Variants in PRIM2 observed in about 807,000 individuals in gnomAD.
PRIM2 encodes the protein DNA primase large subunit.
A neutral mutation model predicts 67.3 loss-of-function variants in PRIM2; 39 were observed. That is an observed-to-expected ratio of 0.58 (90% CI 0.45 to 0.76). PRIM2 has a LOEUF of 0.76. PRIM2 is among the 30% of genes least tolerant of loss of function. The pLI, the probability that PRIM2 is intolerant of heterozygous loss-of-function variation, is 0.00. For missense variants in PRIM2, 398 were observed against 598.7 expected (o/e 0.66, Z 3.50); for synonymous variants, 143 against 198.7 (o/e 0.72, Z 2.36).
chr6:57,627,126 CA>C (rs1485488268), intron 12 of PRIM2, among the ~76,000 whole-genome samples: 4 of 149,736 alleles, frequency 2.7e-5, no homozygotes, highest in Non-Finnish European at 5.9e-5. Flanking sequence ...ATTAAAAATT[CA>C]AAAATTAGCT....
chr6:57,265,517 G>C, the PRIM2 span, among the ~76,000 whole-genome samples: 1 of 152,092 alleles, frequency 6.6e-6, no homozygotes, highest in Non-Finnish European at 1.5e-5. Flanking sequence ...TTTGGTTTAC[G>C]GTAGACGCTC....
chr6:57,260,013 T>C, the PRIM2 span, among the ~76,000 whole-genome samples: 9 of 152,244 alleles, frequency 5.9e-5, no homozygotes, highest in Non-Finnish European at 1.2e-4. Context: ...CCCATTTTTT[T>C]CTGTGTCAAT....
intron 8 of PRIM2, among the ~76,000 whole-genome samples, chr6:57,525,166 CTCCG>C (rs1349562147): frequency 6.6e-6 from 1 of 152,016 alleles, no homozygotes; most frequent in Non-Finnish European, 1.5e-5. Flanking sequence ...CTTTCTGCCC[CTCCG>C]TCTGTTATGT....
chr6:57,613,392 A>G (rs2127494828), intron 12 of PRIM2, among the ~76,000 whole-genome samples: 2 of 152,344 alleles, frequency 1.3e-5, no homozygotes, highest in East Asian at 3.9e-4. Flanking sequence ...TTTGATTAAA[A>G]GTTAGAAAGA....
At chr6:57,523,590 C>T (rs2127465071) in intron 8 of PRIM2, among the ~76,000 whole-genome samples, 1 of 152,126 alleles carries the variant, frequency 6.6e-6, no homozygotes, top group East Asian at 1.9e-4. Context: ...GACTTTTGCC[C>T]TCCCATTTTG....
At chr6:57,313,954 C>T (rs916276378), upstream of PRIM2, among the ~76,000 whole-genome samples, 2 of 152,188 alleles carry the variant, frequency 1.3e-5, no homozygotes, top group African/African-American at 2.4e-5. Context: ...GTGAATGCCA[C>T]GTGGGGCAGT....
chr6:57,641,501 G>A (rs1403894652), intron 13 of PRIM2, among the ~76,000 whole-genome samples: 2 of 152,116 alleles, frequency 1.3e-5, no homozygotes, highest in Non-Finnish European at 2.9e-5. Context: ...CTGACAAAGG[G>A]CTAATATCCA....
intron 5 of PRIM2, among the ~76,000 whole-genome samples, chr6:57,369,527 G>A (rs974899831): frequency 6.6e-6 from 1 of 152,204 alleles, no homozygotes; most frequent in Non-Finnish European, 1.5e-5. Context: ...ATTATGAGTA[G>A]TAGTGGCAAG....
chr6:57,537,994 G>A (rs1775034570), intron 10 of PRIM2, among the ~76,000 whole-genome samples: 1 of 150,642 alleles, frequency 6.6e-6, no homozygotes, highest in African/African-American at 2.4e-5. Context: ...ATTATGTTAT[G>A]CAGAATCTTT....
intron 10 of PRIM2, among the ~76,000 whole-genome samples, chr6:57,579,259 A>C (rs1457089367): frequency 6.6e-6 from 1 of 151,908 alleles, no homozygotes; most frequent in Non-Finnish European, 1.5e-5. Flanking sequence ...TGACCTTTAG[A>C]AAAGAAACAA....
chr6:57,280,596 G>A, the PRIM2 span, among the ~76,000 whole-genome samples: 53 of 151,960 alleles, frequency 3.5e-4, no homozygotes, highest in African/African-American at 1.2e-3. Flanking sequence ...TGCAACCTCC[G>A]CCTCCCAGGT....
At chr6:57,453,552 T>C (rs1161554539) in intron 7 of PRIM2, among the ~76,000 whole-genome samples, 1 of 152,166 alleles carries the variant, frequency 6.6e-6, no homozygotes, top group Non-Finnish European at 1.5e-5. Flanking sequence ...GAAGCAATTG[T>C]GAATGGGAGT....
chr6:57,418,361 G>T (rs5005220), intron 7 of PRIM2, among the ~76,000 whole-genome samples: 1 of 133,430 alleles, frequency 7.5e-6, no homozygotes, highest in Admixed American at 8.2e-5. Flanking sequence ...AATGGGATAA[G>T]GTAATGTTTC....
chr6:57,540,760 A>G (rs1775132500), intron 10 of PRIM2, among the ~76,000 whole-genome samples: 1 of 152,200 alleles, frequency 6.6e-6, no homozygotes. Flanking sequence ...ACAAATGTAA[A>G]GATGCAGTAT....
the PRIM2 span, among the ~76,000 whole-genome samples, chr6:57,284,621 A>C: frequency 9.4e-4 from 143 of 152,312 alleles, no homozygotes; most frequent in African/African-American, 3.3e-3. Context: ...AAACAACGCA[A>C]AATAAATATT....
chr6:57,577,585 C>G (rs1325477672), intron 10 of PRIM2, among the ~76,000 whole-genome samples: 5 of 152,036 alleles, frequency 3.3e-5, no homozygotes, highest in Non-Finnish European at 7.4e-5. Context: ...CCCACCACCA[C>G]GTCCAGCTAA....
upstream of PRIM2, among the ~76,000 whole-genome samples, chr6:57,316,345 G>C (rs1370521650): frequency 6.6e-6 from 1 of 152,152 alleles, no homozygotes; most frequent in African/African-American, 2.4e-5. Flanking sequence ...CCCGGAGGCG[G>C]AGGTTGCAGT....
chr6:57,310,825 G>T (rs1246337246), upstream of PRIM2, among the ~76,000 whole-genome samples: 6 of 151,322 alleles, frequency 4.0e-5, no homozygotes, highest in Admixed American at 1.3e-4. Flanking sequence ...AGGCAGGGCA[G>T]CCGGGCAGAG....
intron 13 of PRIM2, among the ~76,000 whole-genome samples, chr6:57,633,969 G>A (rs1403248662): frequency 2.6e-5 from 4 of 152,188 alleles, no homozygotes; most frequent in Non-Finnish European, 5.9e-5. Context: ...TAAAATTTTT[G>A]AACGCATTAG....
Sources: allele counts gnomAD v4.1 joint callset (sites outside exome capture counted in the v4.1 genomes callset), GRCh38; gene constraint gnomAD v4.1.1; transcripts MANE v1.5; gene names NCBI Gene and HGNC (gene_info 2026-07-23, HGNC 2026-07-21).